The following KCND2 variants were observed in gnomAD, a reference collection of about 807,000 sequenced individuals.
KCND2 encodes the protein A-type voltage-gated potassium channel KCND2.
KCND2 carries 16 observed loss-of-function variants against 54.4 expected under a neutral mutation model. The observed-to-expected ratio is 0.29, with a 90% CI of 0.20 to 0.45. The LOEUF (loss-of-function observed/expected upper bound fraction) is 0.45, where lower values mean the gene tolerates loss of function less well. Among genes scored for constraint, KCND2 ranks in the 20% least tolerant of loss-of-function variants. The probability of loss-of-function intolerance (pLI) is 1.00; values close to 1 mark genes in which losing one functional copy is unlikely to be tolerated. For missense variants in KCND2, 486 were observed against 824.2 expected (o/e 0.59, Z 5.02); for synonymous variants, 317 against 310.7 (o/e 1.02, Z -0.21).
chr7:120,339,682 C>T lies in KCND2; in HGVS notation c.1115+63935C>T, dbSNP rs372426456. On this transcript the variant is annotated intron_variant, in intron 1 of 5. Transcript: ENST00000331113. ...GGGTTACATTAGGGAAACCCACACA[C>T]GTGCGCACATAGACATGTGCACACA... 6.0e-4 allele frequency among the ~76,000 whole-genome samples: 92 copies of T among 152,202 alleles called. No homozygotes were observed. In the East Asian group the frequency reaches 0.013, roughly 21 times the overall value.
At chr7:120,320,086 C>T (rs1284237651) in intron 1 of KCND2, among the ~76,000 whole-genome samples, 3 of 151,924 alleles carry the variant, frequency 2.0e-5, no homozygotes, top group African/African-American at 7.3e-5. Context: ...TCATCTTGCG[C>T]TTGTCAGTTG....
At chr7:120,330,353 G>T (rs972594373) in intron 1 of KCND2, among the ~76,000 whole-genome samples, 3 of 152,090 alleles carry the variant, frequency 2.0e-5, no homozygotes, top group African/African-American at 7.2e-5. Context: ...GCTGAAGCAG[G>T]TGAATCACCT....
At chr7:120,608,745 A>G (rs1792914973) in intron 1 of KCND2, among the ~76,000 whole-genome samples, 1 of 152,150 alleles carries the variant, frequency 6.6e-6, no homozygotes, top group Admixed American at 6.5e-5. Flanking sequence ...GGTTAAATAT[A>G]GCACCAAAAC....
At chr7:120,727,025 G>A (rs1192933457) in intron 1 of KCND2, among the ~76,000 whole-genome samples, 1 of 152,138 alleles carries the variant, frequency 6.6e-6, no homozygotes, top group Non-Finnish European at 1.5e-5. Context: ...ATCTTTTAGT[G>A]TGTGTGGGAC....
chr7:120,364,747 T>C (rs2116405618), intron 1 of KCND2, among the ~76,000 whole-genome samples: 1 of 152,132 alleles, frequency 6.6e-6, no homozygotes, highest in African/African-American at 2.4e-5. Flanking sequence ...TGATCAAACA[T>C]CACCTGGGGA....
chr7:120,718,798 A>G (rs761650920), intron 1 of KCND2, among the ~76,000 whole-genome samples: 20 of 152,314 alleles, frequency 1.3e-4, no homozygotes, highest in South Asian at 6.2e-4. Context: ...TAGCAGAGAC[A>G]TAAATGAGAT....
chr7:120,273,600 G>C lies in KCND2; in HGVS notation c.-1033G>C, dbSNP rs1203603929. ...AAGGTGAAAAGGAGGAGGGAGGCAC[G>C]GAGGGATGGGGGAAGGGAAAGAAGA... On this transcript the variant is annotated 5_prime_UTR_variant, in exon 1 of 6. Transcript: ENST00000331113. 6.5e-6 allele frequency: 1 copy of C among 152,810 alleles called. No individual in the cohort carries two copies. Among genetic ancestry groups the C allele is most frequent in the African/African-American group, 2.4e-5 (1 of 41,472 alleles). The allele number at this position is 152,810 out of a possible 1,614,324, so 9.5% of individuals were successfully genotyped here.
chr7:120,737,075 C>T (rs10245157), intron 2 of KCND2, among the ~76,000 whole-genome samples: 6 of 112,974 alleles, frequency 5.3e-5, no homozygotes, highest in African/African-American at 2.2e-4. Context: ...CACACACACA[C>T]AAACAAAAAA....
intron 1 of KCND2, among the ~76,000 whole-genome samples, chr7:120,457,175 C>A (rs1237692319): frequency 6.6e-6 from 1 of 152,128 alleles, no homozygotes; most frequent in Non-Finnish European, 1.5e-5. Context: ...TTTTTTCCTC[C>A]TAGGCCTCTG....
intron 1 of KCND2, among the ~76,000 whole-genome samples, chr7:120,403,493 T>TC (rs933565999): frequency 6.0e-5 from 9 of 151,164 alleles, no homozygotes; most frequent in African/African-American, 2.2e-4. Flanking sequence ...TTTTTTTTTT[T>TC]TTTTTTTTGG....
chr7:120,463,182 T>G (rs1230138943), intron 1 of KCND2, among the ~76,000 whole-genome samples: 2 of 152,028 alleles, frequency 1.3e-5, no homozygotes, highest in Non-Finnish European at 2.9e-5. Flanking sequence ...AACCATGACT[T>G]AATTTTAAAC....
chr7:120,469,706 T>C (rs2116257436), intron 1 of KCND2, among the ~76,000 whole-genome samples: 1 of 152,144 alleles, frequency 6.6e-6, no homozygotes, highest in East Asian at 1.9e-4. Flanking sequence ...TGGGGTGAAA[T>C]AGATCAGCAC....
intron 1 of KCND2, among the ~76,000 whole-genome samples, chr7:120,678,635 TACAC>T (rs772006824): frequency 9.5e-5 from 14 of 147,230 alleles, no homozygotes; most frequent in Non-Finnish European, 1.5e-4. Context: ...TAAAGTTCAT[TACAC>T]ACACATATAT....
At position 120,750,235 on chromosome 7, in the gene KCND2, T is replaced by TATC. The variant is rs1465534113; in HGVS notation, c.*2378_*2380dup. ...TTGACAATTTTGTTTGAAATTCATATATCTTATTTCAAAGGATAGCATAAT... is the reference window on the plus strand; with the variant it reads ...TTGACAATTTTGTTTGAAATTCATATATCATCTTATTTCAAAGGATAGCATAAT... On this transcript the variant is annotated 3_prime_UTR_variant, in exon 6 of 6. Coordinates refer to ENST00000331113, the MANE Select transcript of KCND2 (RefSeq NM_012281.3). The TATC allele has an allele frequency of 1.3e-5, 2 of 152,430 alleles. No individual in the cohort carries two copies. The highest frequency in any genetic ancestry group is 6.6e-5 in the Admixed American group (1 of 15,248). The allele number at this position is 152,430 out of a possible 1,614,324, so 9.4% of individuals were successfully genotyped here. A position where few individuals can be genotyped will look rare whatever the true frequency, so the allele number is the denominator to read the frequency against.
At chr7:120,300,162 A>AT (rs1426837268) in intron 1 of KCND2, among the ~76,000 whole-genome samples, 5 of 152,080 alleles carry the variant, frequency 3.3e-5, no homozygotes, top group African/African-American at 1.2e-4. Flanking sequence ...AAGGGACACA[A>AT]TTTTTTCAGA....
At chr7:120,702,060 C>T (rs1792409069) in intron 1 of KCND2, among the ~76,000 whole-genome samples, 1 of 151,938 alleles carries the variant, frequency 6.6e-6, no homozygotes, top group Non-Finnish European at 1.5e-5. Flanking sequence ...ATGTACCTGA[C>T]AAATGTCTAA....
chr7:120,408,966 A>C (rs953418238), intron 1 of KCND2, among the ~76,000 whole-genome samples: 1 of 151,946 alleles, frequency 6.6e-6, no homozygotes, highest in African/African-American at 2.4e-5. Flanking sequence ...ATGATATGTC[A>C]AGTATTACTC....
At chr7:120,397,778 A>G (rs1253868927) in intron 1 of KCND2, among the ~76,000 whole-genome samples, 2 of 151,594 alleles carry the variant, frequency 1.3e-5, no homozygotes, top group Non-Finnish European at 2.9e-5. Context: ...CTATATTGTC[A>G]TATTGGTAAG....
chr7:120,556,522 TA>T (rs796268981), intron 1 of KCND2, among the ~76,000 whole-genome samples: 10 of 152,306 alleles, frequency 6.6e-5, no homozygotes, highest in African/African-American at 2.4e-4. Context: ...TTTAGATAGA[TA>T]GATTACTAGC....
Sources: gnomAD v4.1 joint callset for allele counts (sites outside exome capture counted in the v4.1 genomes callset) on GRCh38, gnomAD v4.1.1 for gene constraint, MANE v1.5 for transcripts, NCBI Gene and HGNC (gene_info 2026-07-23, HGNC 2026-07-21) for gene names.